PAM: variants seen among roughly 807,000 people sequenced by gnomAD.
PAM encodes the protein peptidyl-glycine alpha-amidating monooxygenase.
PAM carries 72 observed loss-of-function variants against 122.1 expected under a neutral mutation model. The observed-to-expected ratio is 0.59, with a 90% confidence interval of 0.49 to 0.72. PAM has a LOEUF of 0.72. Ranked by LOEUF, PAM falls within the 30% of genes least tolerant of loss-of-function variation. PAM has a pLI of 0.00. For missense variants in PAM, 1,106 were observed against 1,183.7 expected (o/e 0.93, Z 0.96); for synonymous variants, 389 against 404.4 (o/e 0.96, Z 0.46).
rs772728053 is a variant in PAM, at chr5:103,003,115, A to G, written c.1696A>G (p.Asn566Asp). 1.3e-6 allele frequency: 2 copies of G among 1,585,632 alleles called. No homozygotes were observed. Among genetic ancestry groups the G allele is most frequent in the Non-Finnish European group, 1.7e-6 (2 of 1,154,078 alleles). ...EDTILVIDPNNAAVLQSSGKN... is the reference protein window; with the variant it reads ...EDTILVIDPNDAAVLQSSGKN... ...CACTATTCTTGTCATAGATCCAAAT[A>G]ATGCTGCAGTACTCCAGTCCAGTGG... is the stretch of plus-strand genomic sequence containing the variant. The change falls in exon 17 of 26, where the codon AAT becomes GAT. Residue 566 changes from asparagine (N) to aspartate (D), a missense_variant. Physicochemically the swap from Asn to Asp is conservative, Grantham distance 23. Around this residue, in one of 3 missense-constraint regions of PAM, gnomAD observed 103 missense variants for 157.9 expected, o/e 0.65. Transcript: ENST00000438793.
chr5:102,829,060 T>C (rs2150403023), intron 1 of PAM, among the ~76,000 whole-genome samples: 1 of 152,014 alleles, frequency 6.6e-6, no homozygotes, highest in East Asian at 1.9e-4. Context: ...CTTAAAGATA[T>C]ATAACAATTC....
intron 1 of PAM, among the ~76,000 whole-genome samples, chr5:102,825,391 G>C (rs892908502): frequency 1.3e-5 from 2 of 152,130 alleles, no homozygotes; most frequent in Non-Finnish European, 2.9e-5. Flanking sequence ...AATAGCCCAG[G>C]AGAATAAACT....
intron 4 of PAM, among the ~76,000 whole-genome samples, chr5:102,909,757 T>C (rs1402388091): frequency 4.0e-5 from 6 of 151,848 alleles, no homozygotes; most frequent in Admixed American, 2.0e-4. Flanking sequence ...AAAATACCCA[T>C]GATATGCAAG....
At chr5:102,818,684 G>A (rs1770735244) in intron 1 of PAM, among the ~76,000 whole-genome samples, 1 of 152,150 alleles carries the variant, frequency 6.6e-6, no homozygotes, top group South Asian at 2.1e-4. Context: ...AGCAAGATGA[G>A]TTCTTCCCTC....
chr5:102,822,610 T>C (rs1772336515), intron 1 of PAM, among the ~76,000 whole-genome samples: 1 of 152,066 alleles, frequency 6.6e-6, no homozygotes, highest in Non-Finnish European at 1.5e-5. Context: ...GGAAACATTA[T>C]TTGAGGACCT....
At chr5:103,023,608 G>A (rs769100693) in intron 23 of PAM, among the ~76,000 whole-genome samples, 5 of 151,782 alleles carry the variant, frequency 3.3e-5, no homozygotes, top group Middle Eastern at 3.2e-3. Context: ...ACCATTTCTA[G>A]GTCTATGAAC....
chr5:102,809,438 T>A (rs1465398216), intron 1 of PAM, among the ~76,000 whole-genome samples: 1 of 151,374 alleles, frequency 6.6e-6, no homozygotes, highest in Non-Finnish European at 1.5e-5. Flanking sequence ...TTCTAATTAA[T>A]TAATAGATAG....
chr5:103,021,344 C>T (rs1209380663), intron 23 of PAM, among the ~76,000 whole-genome samples: 1 of 152,144 alleles, frequency 6.6e-6, no homozygotes, highest in East Asian at 1.9e-4. Context: ...ATAGTTTACT[C>T]TGAAACCTCT....
At chr5:102,893,347 C>T (rs1202885573) in intron 3 of PAM, among the ~76,000 whole-genome samples, 2 of 151,806 alleles carry the variant, frequency 1.3e-5, no homozygotes, top group South Asian at 2.1e-4. Context: ...ATGCTTTCTC[C>T]CTTTCCCAGC....
intron 3 of PAM, among the ~76,000 whole-genome samples, chr5:102,868,614 T>C (rs984820922): frequency 2.0e-5 from 3 of 152,224 alleles, no homozygotes; most frequent in Non-Finnish European, 2.9e-5. Context: ...TGCTCACTTA[T>C]GAAGTGTGCC....
At chr5:103,015,224 T>C (rs1781637779) in intron 21 of PAM, among the ~76,000 whole-genome samples, 1 of 152,188 alleles carries the variant, frequency 6.6e-6, no homozygotes, top group Non-Finnish European at 1.5e-5. Flanking sequence ...AGCCACAACA[T>C]AAACATTGTG....
Position 102,960,027 on chromosome 5 carries a change from C to A in PAM, c.1058C>A (p.Ser353Tyr), listed in dbSNP as rs1562039943. Residue 353 changes from serine to tyrosine, a missense_variant, in exon 13 of 26, where the codon TCT (serine) becomes TAT (tyrosine). Ser to Tyr is a moderately radical substitution (Grantham distance 144). Transcript: ENST00000438793. ...GCCAACATTCCAATTCCCGTGAAGT[C>A]TGATATGGTTATGATGCATGAACAT... The part of the protein sequence containing the change: ...PEANIPIPVK[S>Y]DMVMMHEHHK... 10 of 1,608,700 alleles carry A rather than the reference C, an allele frequency of 6.2e-6. No individual in the cohort carries two copies. Among genetic ancestry groups the A allele is most frequent in the African/African-American group, 2.7e-5 (2 of 74,706 alleles).
At chr5:102,803,025 A>C (rs1429146253) in intron 1 of PAM, among the ~76,000 whole-genome samples, 1 of 152,054 alleles carries the variant, frequency 6.6e-6, no homozygotes, top group African/African-American at 2.4e-5. Flanking sequence ...CGAGAGTCTA[A>C]AGTGGGAGGA....
At chr5:102,801,907 T>C (rs1235234281) in intron 1 of PAM, among the ~76,000 whole-genome samples, 2 of 148,678 alleles carry the variant, frequency 1.3e-5, no homozygotes, top group Non-Finnish European at 3.0e-5. Context: ...GCCTCCCGAG[T>C]AGCTGGGACT....
chr5:102,920,775 G>C (rs1269725087), intron 5 of PAM, among the ~76,000 whole-genome samples: 1 of 151,358 alleles, frequency 6.6e-6, no homozygotes, highest in Non-Finnish European at 1.5e-5. Context: ...AGGCTATACA[G>C]ACTTAACTTG....
At chr5:103,024,637 G>A (rs1452179865) in intron 23 of PAM, among the ~76,000 whole-genome samples, 1 of 152,104 alleles carries the variant, frequency 6.6e-6, no homozygotes, top group Non-Finnish European at 1.5e-5. Context: ...TTTTATGACA[G>A]ACATTTACAC....
intron 3 of PAM, among the ~76,000 whole-genome samples, chr5:102,880,391 C>T (rs1790591763): frequency 1.3e-5 from 2 of 151,736 alleles, no homozygotes; most frequent in Admixed American, 1.3e-4. Context: ...AATTCTTTCC[C>T]AATACATAGA....
At chr5:102,755,559 T>A (rs977030251) in intron 1 of PAM, 1 of 152,268 alleles carries the variant, frequency 6.6e-6, no homozygotes, top group South Asian at 2.1e-4. Flanking sequence ...TTTTGGGGAC[T>A]GAGCTATTCT....
intron 1 of PAM, among the ~76,000 whole-genome samples, chr5:102,801,770 GTATTTTTTT>G (rs1200803634): frequency 7.1e-6 from 1 of 140,358 alleles, no homozygotes; most frequent in African/African-American, 2.8e-5. Context: ...TAGGGAAAAG[GTATTTTTTT>G]TTTTTTTTTT....
Sources: gnomAD v4.1 joint callset for allele counts (sites outside exome capture counted in the v4.1 genomes callset) on GRCh38, gnomAD v4.1.1 for gene constraint, gnomAD v4.1.1 regional missense constraint, MANE v1.5 for transcripts, NCBI Gene and HGNC (gene_info 2026-07-23, HGNC 2026-07-21) for gene names.